Variants in MYO3B observed in about 807,000 individuals in gnomAD.
MYO3B encodes myosin IIIB.
Under a neutral mutation model 174.6 loss-of-function variants are expected in MYO3B, and 156 were observed. The ratio of observed to expected loss-of-function variants is 0.89; its 90% CI spans 0.78 to 1.02. MYO3B has a LOEUF of 1.02. Among genes scored for constraint, MYO3B ranks in the 50% least tolerant of loss-of-function variants. The probability of loss-of-function intolerance (pLI) is 0.00; values close to 1 mark genes in which losing one functional copy is unlikely to be tolerated. For synonymous variants in MYO3B, 563 were observed against 569.1 expected (o/e 0.99, Z 0.15); for missense variants, 1,632 against 1,639.4 (o/e 1.00, Z 0.08).
intron 25 of MYO3B, among the ~76,000 whole-genome samples, chr2:170,470,434 A>G (rs1407954420): frequency 6.6e-6 from 1 of 151,954 alleles, no homozygotes; most frequent in Non-Finnish European, 1.5e-5. Context: ...ATGTACCAGT[A>G]TGTTATTTTT....
intron 8 of MYO3B, among the ~76,000 whole-genome samples, chr2:170,365,355 T>C (rs1045321940): frequency 6.6e-6 from 1 of 152,222 alleles, no homozygotes; most frequent in Non-Finnish European, 1.5e-5. Context: ...AGCAAACATA[T>C]GGCTTTTGCT....
At chr2:170,507,153 T>A (rs1299841232) in intron 28 of MYO3B, among the ~76,000 whole-genome samples, 1 of 152,244 alleles carries the variant, frequency 6.6e-6, no homozygotes, top group African/African-American at 2.4e-5. Flanking sequence ...CGTATCCACA[T>A]ATCCACAGAA....
chr2:170,322,185 C>T (rs2093833280), intron 7 of MYO3B, among the ~76,000 whole-genome samples: 2 of 151,834 alleles, frequency 1.3e-5, no homozygotes, highest in African/African-American at 4.8e-5. Flanking sequence ...CCCACTCCCA[C>T]CCCAGGAAGT....
chr2:170,228,572 C>T (rs16857984), intron 6 of MYO3B, among the ~76,000 whole-genome samples: 9,394 of 152,156 alleles, frequency 0.062, 377 homozygotes, highest in East Asian at 0.16. Context: ...ATGATCTGTT[C>T]CCAGGGCTTC....
At chr2:170,466,894 A>G (rs1293666198) in intron 25 of MYO3B, among the ~76,000 whole-genome samples, 183 bp downstream of exon 25, 1 of 152,230 alleles carries the variant, frequency 6.6e-6, no homozygotes, top group Non-Finnish European at 1.5e-5. Flanking sequence ...GCAGTGATCC[A>G]GCAGCCAGAT....
chr2:170,638,385 CT>C (rs1175173619), intron 32 of MYO3B, among the ~76,000 whole-genome samples: 1 of 152,160 alleles, frequency 6.6e-6, no homozygotes, highest in Non-Finnish European at 1.5e-5. Context: ...CAGCTGTGCT[CT>C]TTGAATGAAT....
intron 22 of MYO3B, among the ~76,000 whole-genome samples, chr2:170,428,665 A>G (rs1270493777): frequency 6.6e-6 from 1 of 152,168 alleles, no homozygotes; most frequent in Non-Finnish European, 1.5e-5. Flanking sequence ...TTGACATTAC[A>G]CACTGTTCGT....
chr2:170,221,851 C>A (rs912853478), intron 6 of MYO3B, among the ~76,000 whole-genome samples: 1 of 152,094 alleles, frequency 6.6e-6, no homozygotes, highest in African/African-American at 2.4e-5. Flanking sequence ...ACAGGGCATG[C>A]CCCAACATGC....
chr2:170,538,669 A>G (rs1689881962), intron 30 of MYO3B, among the ~76,000 whole-genome samples: 1 of 152,226 alleles, frequency 6.6e-6, no homozygotes, highest in Admixed American at 6.5e-5. Flanking sequence ...ACAGATGCCC[A>G]GCAGAAGGGT....
chr2:170,554,515 C>A (rs1691152196), intron 32 of MYO3B, among the ~76,000 whole-genome samples: 2 of 152,200 alleles, frequency 1.3e-5, no homozygotes, highest in South Asian at 4.1e-4. Context: ...CCGCAGAGGT[C>A]ACATGCCAGG....
intron 1 of MYO3B, among the ~76,000 whole-genome samples, chr2:170,191,475 G>A (rs190271201): frequency 1.3e-5 from 2 of 152,206 alleles, no homozygotes; most frequent in East Asian, 1.9e-4. Flanking sequence ...TTTAGTTCAC[G>A]GTGGTGAGGC....
At chr2:170,555,210 T>C (rs6433212) in intron 32 of MYO3B, among the ~76,000 whole-genome samples, 120,070 of 152,184 alleles carry the variant, frequency 0.79, 47,872 homozygotes, top group African/African-American at 0.9. Flanking sequence ...TCCCTGTTTC[T>C]TCTATAATTA....
At chr2:170,302,935 G>A (rs954806149) in intron 7 of MYO3B, among the ~76,000 whole-genome samples, 1 of 151,996 alleles carries the variant, frequency 6.6e-6, no homozygotes, top group Admixed American at 6.5e-5. Flanking sequence ...TTTTGTTTTT[G>A]TTTTCTACTT....
At chr2:170,465,340 A>G (rs917166504) in intron 24 of MYO3B, among the ~76,000 whole-genome samples, 1 of 152,132 alleles carries the variant, frequency 6.6e-6, no homozygotes, top group Non-Finnish European at 1.5e-5. Flanking sequence ...AGAGAACAAG[A>G]TAGAGGGGAG....
chr2:170,496,676 C>G (rs1374532562), intron 25 of MYO3B, among the ~76,000 whole-genome samples: 1 of 150,796 alleles, frequency 6.6e-6, no homozygotes, highest in Non-Finnish European at 1.5e-5. Flanking sequence ...ACAAGATCTC[C>G]TTGTGTCACC....
intron 32 of MYO3B, among the ~76,000 whole-genome samples, chr2:170,552,734 C>T (rs1690999795): frequency 6.6e-6 from 1 of 152,082 alleles, no homozygotes; most frequent in South Asian, 2.1e-4. Context: ...TGTTAATAGC[C>T]AAAACAATGG....
chr2:170,549,055 T>C (rs976279065), intron 32 of MYO3B, among the ~76,000 whole-genome samples: 10 of 152,316 alleles, frequency 6.6e-5, no homozygotes, highest in Non-Finnish European at 1.2e-4. Flanking sequence ...AAATCCCCTA[T>C]GAATAAAAGA....
intron 7 of MYO3B, among the ~76,000 whole-genome samples, chr2:170,293,442 C>A (rs557213403): frequency 8.9e-4 from 136 of 152,208 alleles, no homozygotes; most frequent in Non-Finnish European, 1.3e-3. Context: ...TGTCTCACTT[C>A]CCACTTTAAG....
intron 7 of MYO3B, among the ~76,000 whole-genome samples, chr2:170,316,558 T>G (rs1216111956): frequency 1.3e-5 from 2 of 152,242 alleles, no homozygotes; most frequent in Admixed American, 6.5e-5. Flanking sequence ...TGCCACCTAT[T>G]TTGGCAGTTT....
Sources: gnomAD v4.1 joint callset for allele counts (sites outside exome capture counted in the v4.1 genomes callset) on GRCh38, gnomAD v4.1.1 for gene constraint, MANE v1.5 for transcripts, NCBI Gene and HGNC (gene_info 2026-07-23, HGNC 2026-07-21) for gene names.